Variants in HADH observed in about 807,000 individuals in gnomAD.
The protein encoded by HADH is hydroxyacyl-coenzyme A dehydrogenase, mitochondrial.
HADH carries 24 observed loss-of-function variants against 32.2 expected under a neutral mutation model. That is an observed-to-expected ratio of 0.75 (90% CI 0.54 to 1.05). The LOEUF is 1.05. Among genes scored for constraint, HADH ranks in the 50% least tolerant of loss-of-function variants. HADH has a pLI of 0.00. For missense variants in HADH, 350 were observed against 397.1 expected, an observed-to-expected ratio of 0.88 and a Z score of 1.01; for synonymous variants, 139 against 152.5, an observed-to-expected ratio of 0.91 and a Z score of 0.65.
intron 5 of HADH, chr4:108,024,693 A>G (rs963912355): frequency 2.6e-5 from 4 of 152,228 alleles, no homozygotes; most frequent in Admixed American, 1.3e-4. Context: ...GTACTTTCTT[A>G]CGCAGTTATG....
In HADH at chr4:108,014,429, A is replaced by G. The variant is rs138521550; in HGVS notation, c.262-2A>G. On this transcript the variant is annotated splice_acceptor_variant, in intron 2 of 7. Transcript: ENST00000309522. LOFTEE classifies it high-confidence loss of function. Reference sequence around the variant, plus strand: ...GTTCTCTTCTTCCTCCCACTGCATTAGGCCGGCGATGAATTTGTGGAGAAG... The same window carrying G: ...GTTCTCTTCTTCCTCCCACTGCATTGGGCCGGCGATGAATTTGTGGAGAAG... The G allele has an allele frequency of 8.7e-6, 14 of 1,613,844 alleles. No individual in the cohort carries two copies. In the African/African-American group the frequency reaches 1.6e-4, roughly 18 times the overall value.
At chr4:107,991,452 G>C (rs2126216517) in intron 1 of HADH, among the ~76,000 whole-genome samples, 1 of 152,058 alleles carries the variant, frequency 6.6e-6, no homozygotes, top group South Asian at 2.1e-4. Context: ...TCTTCTCCTT[G>C]GCAAGTTTTT....
At chr4:108,011,754 A>G (rs1403033959) in intron 2 of HADH, among the ~76,000 whole-genome samples, 1 of 152,188 alleles carries the variant, frequency 6.6e-6, no homozygotes, top group Non-Finnish European at 1.5e-5. Context: ...ACTATTTTAC[A>G]TTCCCACCAG....
intron 6 of HADH, chr4:108,028,010 C>T (rs1291314177): frequency 3.5e-6 from 2 of 574,980 alleles, no homozygotes; most frequent in Admixed American, 3.0e-5. Flanking sequence ...ACAGTCCCAG[C>T]CAGAGCAATT....
intron 1 of HADH, among the ~76,000 whole-genome samples, chr4:108,007,227 CT>C (rs1247246392): frequency 1.3e-5 from 2 of 152,198 alleles, no homozygotes; most frequent in East Asian, 3.9e-4. Context: ...CTGCCTCAGC[CT>C]CCCGAGTAGC....
chr4:108,001,506 G>A (rs1390853346), intron 1 of HADH, among the ~76,000 whole-genome samples: 1 of 152,218 alleles, frequency 6.6e-6, no homozygotes, highest in Admixed American at 6.5e-5. Context: ...AGAAGATGAA[G>A]CCAAAGAACA....
At chr4:108,009,548 G>A in intron 1 of HADH, among the ~76,000 whole-genome samples, 1 of 152,140 alleles carries the variant, frequency 6.6e-6, no homozygotes, top group Admixed American at 6.5e-5. Context: ...AGAATTTGTT[G>A]TATTCAATAT....
intron 6 of HADH, chr4:108,027,992 C>G (rs1201863038): frequency 5.0e-6 from 3 of 599,624 alleles, no homozygotes; most frequent in Middle Eastern, 4.5e-4. Context: ...ACTCCCACCA[C>G]CCCCACTACA....
intron 1 of HADH, among the ~76,000 whole-genome samples, chr4:108,009,163 A>C (rs149159466): frequency 5.3e-4 from 80 of 152,270 alleles, no homozygotes; most frequent in African/African-American, 1.9e-3. Context: ...CCATTATTAG[A>C]GTTTAAATTC....
At chr4:108,021,786 C>T in intron 4 of HADH, among the ~76,000 whole-genome samples, 1 of 152,126 alleles carries the variant, frequency 6.6e-6, no homozygotes, top group East Asian at 1.9e-4. Context: ...CTCTGGGATT[C>T]TGTTTGATTT....
At position 108,034,322 on chromosome 4, in the gene HADH, A is replaced by T; in HGVS notation, c.910A>T (p.Lys304Ter). 1 of 1,611,888 alleles carries T rather than the reference A, an allele frequency of 6.2e-7. No homozygotes were observed. Among genetic ancestry groups the T allele is most frequent in the Non-Finnish European group, 8.5e-7 (1 of 1,177,924 alleles). ...NKLVAENKFG[K>*]KTGEGFYKYK Reference sequence around the variant, plus strand: ...GCTGGTAGCAGAGAACAAGTTCGGCAAGAAGACTGGAGAAGGATTTTACAA... The same window carrying T: ...GCTGGTAGCAGAGAACAAGTTCGGCTAGAAGACTGGAGAAGGATTTTACAA... Residue 304 changes from lysine (K) to a stop codon, truncating the protein, a stop_gained, in exon 8 of 8, where the codon AAG becomes TAG. Coordinates refer to ENST00000309522, the MANE Select transcript of HADH (RefSeq NM_005327.7). LOFTEE classifies it high-confidence loss of function.
At position 108,019,743 on chromosome 4, in the gene HADH, C is replaced by G. The variant is rs1735822043; in HGVS notation, c.546+77C>G. 2.6e-6 allele frequency: 4 copies of G among 1,559,468 alleles called. No individual in the cohort carries two copies. In the Admixed American group the frequency reaches 6.7e-5, roughly 26 times the overall value. On this transcript the variant is annotated intron_variant, in intron 4 of 7. Transcript: ENST00000309522. ...TCCTGCTTTTCTGTGTTACACCAGC[C>G]CTGCCACCAGTTGCCTAGGATGGGT...
At chr4:107,993,412 A>G (rs1734869543) in intron 1 of HADH, among the ~76,000 whole-genome samples, 1 of 152,204 alleles carries the variant, frequency 6.6e-6, no homozygotes, top group Non-Finnish European at 1.5e-5. Context: ...GTACAATCAC[A>G]AACTAGTATT....
At chr4:108,023,144 C>T (rs1735949385) in intron 4 of HADH, among the ~76,000 whole-genome samples, 2 of 152,084 alleles carry the variant, frequency 1.3e-5, no homozygotes, top group Non-Finnish European at 2.9e-5. Flanking sequence ...CAGGCACATG[C>T]CACCATGCCC....
Position 108,010,048 on chromosome 4 carries a change from A to G in HADH, c.261+161A>G, listed in dbSNP as rs141131432. On this transcript the variant is annotated intron_variant, in intron 2 of 7. Coordinates refer to ENST00000309522, the MANE Select transcript of HADH (RefSeq NM_005327.7). The stretch of plus-strand genomic sequence containing the variant: ...CATAACTTTAAACCAATATAATAAC[A>G]TAATTACTAAACATTCAGGGGGTAC... Among the ~76,000 whole-genome samples the G allele has an allele frequency of 5.0e-3, 755 of 149,994 alleles. 6 individuals carry two copies. Among genetic ancestry groups the G allele is most frequent in the African/African-American group, 0.017 (713 of 40,786 alleles).
At chr4:108,018,275 T>C (rs1374291040) in intron 3 of HADH, among the ~76,000 whole-genome samples, 1 of 152,188 alleles carries the variant, frequency 6.6e-6, no homozygotes, top group African/African-American at 2.4e-5. Flanking sequence ...GGTTGTGTGG[T>C]TGAACAGTGC....
intron 1 of HADH, among the ~76,000 whole-genome samples, chr4:107,994,831 A>G (rs1458069331): frequency 6.6e-6 from 1 of 152,134 alleles, no homozygotes; most frequent in African/African-American, 2.4e-5. Context: ...TTAGCATATT[A>G]GTTATTGGAC....
intron 1 of HADH, among the ~76,000 whole-genome samples, chr4:108,005,531 T>G (rs1238227709): frequency 1.3e-5 from 2 of 152,232 alleles, no homozygotes; most frequent in East Asian, 3.8e-4. Context: ...TTTGGAAGAA[T>G]AATTAGTTAT....
chr4:108,027,482 T>C (rs1459351071), intron 5 of HADH: 2 of 625,376 alleles, frequency 3.2e-6, no homozygotes, highest in Non-Finnish European at 5.8e-6. Context: ...GGCATCTGGG[T>C]TTGAATGTTT....
Sources: allele counts gnomAD v4.1 joint callset (sites outside exome capture counted in the v4.1 genomes callset), GRCh38; gene constraint gnomAD v4.1.1; transcripts MANE v1.5; gene names NCBI Gene and HGNC (gene_info 2026-07-23, HGNC 2026-07-21).